The following KCNK2 variants were observed in gnomAD, a reference collection of about 807,000 sequenced individuals.
KCNK2 encodes the protein potassium channel subfamily K member 2.
In KCNK2, 21 loss-of-function variants were observed where a neutral mutation model predicts 40.5. That is an observed-to-expected ratio of 0.52 (90% confidence interval 0.37 to 0.75). The LOEUF is 0.75. Ranked by LOEUF, KCNK2 falls within the 30% of genes least tolerant of loss-of-function variation. The pLI is 0.00. For synonymous variants in KCNK2, 191 were observed against 202.2 expected, an observed-to-expected ratio of 0.94 and a Z score of 0.47; for missense variants, 399 against 531.6, an observed-to-expected ratio of 0.75 and a Z score of 2.45.
At chr1:215,071,188 A>G (rs917719026) in intron 1 of KCNK2, among the ~76,000 whole-genome samples, 14 of 152,158 alleles carry the variant, frequency 9.2e-5, no homozygotes, top group African/African-American at 3.1e-4. Flanking sequence ...TATTTGCATA[A>G]TTGGCTGTGT....
intron 1 of KCNK2, among the ~76,000 whole-genome samples, chr1:215,008,982 C>A (rs1164314606): frequency 6.6e-6 from 1 of 151,984 alleles, no homozygotes; most frequent in Non-Finnish European, 1.5e-5. Context: ...GGTGGAAACA[C>A]CAGATTGGCC....
At chr1:215,157,449 G>C (rs574027596) in intron 3 of KCNK2, among the ~76,000 whole-genome samples, 1 of 152,090 alleles carries the variant, frequency 6.6e-6, no homozygotes, top group Non-Finnish European at 1.5e-5. Flanking sequence ...AAGATTATGC[G>C]TCATTAATCT....
intron 1 of KCNK2, among the ~76,000 whole-genome samples, chr1:215,021,671 G>A (rs755613519): frequency 1.6e-4 from 24 of 149,448 alleles, no homozygotes; most frequent in Non-Finnish European, 3.1e-4. Context: ...TCAGCCTCCC[G>A]ATTAACTGGG....
chr1:215,056,615 CTTTTTTT>C (rs34925678), intron 1 of KCNK2, among the ~76,000 whole-genome samples: 2 of 103,984 alleles, frequency 1.9e-5, no homozygotes, highest in African/African-American at 3.8e-5. Context: ...TGTGTCCACT[CTTTTTTT>C]TTTTTTTTTT....
intron 1 of KCNK2, among the ~76,000 whole-genome samples, chr1:215,060,425 A>C (rs1658327278): frequency 6.6e-6 from 1 of 152,146 alleles, no homozygotes; most frequent in Non-Finnish European, 1.5e-5. Context: ...ACTGTCTTTG[A>C]AAGGATCAAA....
intron 6 of KCNK2, among the ~76,000 whole-genome samples, chr1:215,207,272 C>T (rs186293643): frequency 8.9e-4 from 135 of 152,180 alleles, no homozygotes; most frequent in Non-Finnish European, 1.5e-3. Context: ...AGATCAGTGG[C>T]GGCATTAGAT....
chr1:215,029,403 TTAG>T, intron 1 of KCNK2, among the ~76,000 whole-genome samples: 1 of 150,664 alleles, frequency 6.6e-6, no homozygotes, highest in Admixed American at 6.6e-5. Flanking sequence ...TTTTTTTCAC[TTAG>T]TGGTATTAAT....
At chr1:215,011,762 C>T (rs924054130) in intron 1 of KCNK2, among the ~76,000 whole-genome samples, 6 of 152,088 alleles carry the variant, frequency 3.9e-5, no homozygotes, top group East Asian at 1.9e-4. Context: ...CGTGCTACCA[C>T]GCCCAGCTAT....
intron 6 of KCNK2, among the ~76,000 whole-genome samples, chr1:215,195,582 T>C (rs567137872): frequency 2.6e-5 from 4 of 152,170 alleles, no homozygotes; most frequent in Non-Finnish European, 2.9e-5. Flanking sequence ...CAAAGCTGTA[T>C]GCATTATGGC....
intron 1 of KCNK2, among the ~76,000 whole-genome samples, chr1:215,007,029 A>ATGTGTGTGTG (rs1447540201): frequency 0.035 from 2,364 of 68,370 alleles, 142 homozygotes; most frequent in African/African-American, 0.093. Context: ...ATATATATAT[A>ATGTGTGTGTG]TATATATATG....
chr1:215,233,262 C>G (rs920217661), intron 6 of KCNK2, among the ~76,000 whole-genome samples: 2 of 151,688 alleles, frequency 1.3e-5, no homozygotes, highest in Non-Finnish European at 2.9e-5. Flanking sequence ...CAGAGCCAGA[C>G]CTAGATATCA....
rs967730478 is a variant in KCNK2 at position 215,203,992 on chromosome 1, C to T, written c.963+8900C>T. Among the ~76,000 whole-genome samples the T allele has an allele frequency of 8.4e-5, 11 of 130,496 alleles. No homozygotes were observed. In the South Asian group the frequency reaches 1.3e-3, roughly 16 times the overall value. 85.6% of individuals were successfully genotyped at this position (130,496 alleles called of 152,430 possible). A position where few individuals can be genotyped will look rare whatever the true frequency, so the allele number is the denominator to read the frequency against. On this transcript the variant is annotated intron_variant, in intron 6 of 6. Coordinates refer to ENST00000444842, the MANE Select transcript of KCNK2 (RefSeq NM_001017425.3). ...GGTGGAGCTTGCAGTGAGCCGAGAT[C>T]GCGCCACTGCACTCCAGCCTGGGCG...
intron 6 of KCNK2, among the ~76,000 whole-genome samples, chr1:215,221,302 A>T (rs141330510): frequency 0.014 from 2,104 of 152,276 alleles, 50 homozygotes; most frequent in African/African-American, 0.047. Flanking sequence ...TGAACTGGGG[A>T]AGCGGAGGTT....
chr1:215,107,730 T>C (rs1660494810), intron 2 of KCNK2, among the ~76,000 whole-genome samples: 1 of 152,154 alleles, frequency 6.6e-6, no homozygotes, highest in African/African-American at 2.4e-5. Context: ...GTTCTATGTA[T>C]ATTTTGGGTA....
At chr1:215,031,216 A>G (rs1184068387) in intron 1 of KCNK2, among the ~76,000 whole-genome samples, 1 of 152,092 alleles carries the variant, frequency 6.6e-6, no homozygotes, top group East Asian at 1.9e-4. Flanking sequence ...TGGCTATTCT[A>G]GGTCTTTTGC....
rs1663584693 is a variant in KCNK2 at position 215,169,220 on chromosome 1, G to A, written c.497G>A (p.Arg166His). 6 of 1,608,262 alleles carry A rather than the reference G, an allele frequency of 3.7e-6. No individual in the cohort carries two copies. Among genetic ancestry groups the A allele is most frequent in the South Asian group, 1.1e-5 (1 of 89,804 alleles). ...AAAGGATTTGGAAACATCTCACCAC[G>A]CACAGAAGGCGGCAAAATATTCTGT... ...TTIGFGNISP[R>H]TEGGKIFCII... The change falls in exon 4 of 7, where the codon CGC (arginine) becomes CAC (histidine). Residue 166 changes from arginine to histidine, a missense_variant. Coordinates refer to ENST00000444842, the MANE Select transcript of KCNK2 (RefSeq NM_001017425.3).
intron 6 of KCNK2, among the ~76,000 whole-genome samples, chr1:215,196,853 C>T (rs1181498633): frequency 6.6e-6 from 1 of 152,118 alleles, no homozygotes; most frequent in Non-Finnish European, 1.5e-5. Context: ...ACTACTCAAA[C>T]ATCAAGCAAT....
Position 215,056,545 on chromosome 1 carries a change from T to TTAA in KCNK2, c.35-29820_35-29818dup, listed in dbSNP as rs1416633749. Reference sequence around the variant, plus strand: ...AAAGAAGAAGAAGGAGAGAAATGAGTTAATACAATAATGCCATAGTCATGT... The same window carrying TTAA: ...AAAGAAGAAGAAGGAGAGAAATGAGTTAATAATACAATAATGCCATAGTCATGT... On this transcript the variant is annotated intron_variant, in intron 1 of 6. Coordinates refer to the KCNK2 transcript ENST00000391895. Among the ~76,000 whole-genome samples the TTAA allele has an allele frequency of 4.3e-5, 6 of 140,824 alleles. 1 individual carries two copies. Among genetic ancestry groups the TTAA allele is most frequent in the Non-Finnish European group, 7.7e-5 (5 of 64,988 alleles). The allele number at this position is 140,824 out of a possible 152,430, so 92.4% of individuals were successfully genotyped here.
chr1:215,212,240 T>G (rs1665772024), intron 6 of KCNK2, among the ~76,000 whole-genome samples: 1 of 152,158 alleles, frequency 6.6e-6, no homozygotes, highest in Non-Finnish European at 1.5e-5. Context: ...GTTTTACTTT[T>G]AAATAATTGG....
Sources: gnomAD v4.1 joint callset for allele counts (sites outside exome capture counted in the v4.1 genomes callset) on GRCh38, gnomAD v4.1.1 for gene constraint, MANE v1.5 for transcripts, NCBI Gene and HGNC (gene_info 2026-07-23, HGNC 2026-07-21) for gene names.